The following PDXDC1 variants were observed in gnomAD, a reference collection of about 807,000 sequenced individuals.
The protein encoded by PDXDC1 is pyridoxal dependent decarboxylase domain containing 1.
PDXDC1 carries 42 observed loss-of-function variants against 100.1 expected under a neutral mutation model. The observed-to-expected ratio is 0.42, with a 90% CI of 0.33 to 0.54. The LOEUF is 0.54. PDXDC1 is among the 20% of genes least tolerant of loss of function. The pLI is 0.10. For missense variants in PDXDC1, 636 were observed against 979.2 expected (o/e 0.65, Z 4.68); for synonymous variants, 260 against 371.7 (o/e 0.70, Z 3.46).
chr16:15,029,573 C>A, intron 15 of PDXDC1: 1 of 410,380 alleles, frequency 2.4e-6, no homozygotes, highest in South Asian at 4.5e-5. Context: ...TGAATCAATG[C>A]AGGTTACTAA....
intron 16 of PDXDC1, chr16:15,133,135 C>T: frequency 1.4e-6 from 1 of 702,516 alleles, no homozygotes; most frequent in Admixed American, 2.2e-5. Flanking sequence ...CGGGGTGCTG[C>T]TTCAGGGTCA....
chr16:15,010,182 G>A (rs1201025850), intron 8 of PDXDC1: 10 of 186,832 alleles, frequency 5.4e-5, no homozygotes, highest in African/African-American at 9.4e-5. Flanking sequence ...GAATTGCTGG[G>A]ATTACAGGTG....
chr16:15,132,900 C>T, intron 16 of PDXDC1: 1 of 1,591,106 alleles, frequency 6.3e-7, no homozygotes, highest in South Asian at 1.1e-5. Context: ...GCACAGCAAG[C>T]TGTCAGCAGG....
intron 16 of PDXDC1, among the ~76,000 whole-genome samples, chr16:15,081,385 T>C (rs1488659205): frequency 6.6e-6 from 1 of 152,206 alleles, no homozygotes; most frequent in Non-Finnish European, 1.5e-5. Flanking sequence ...TGAACACTTG[T>C]TACTGTCTTC....
chr16:15,078,025 T>C (rs1412081099), intron 16 of PDXDC1, among the ~76,000 whole-genome samples: 3 of 152,212 alleles, frequency 2.0e-5, no homozygotes, highest in Non-Finnish European at 4.4e-5. Flanking sequence ...TGATGCAATA[T>C]TTATTTTGGT....
chr16:15,048,141 T>C, intron 16 of PDXDC1: 1 of 1,397,616 alleles, frequency 7.2e-7, no homozygotes, highest in Non-Finnish European at 1.0e-6. Flanking sequence ...TGTAAATTAG[T>C]GAGGATGGAA....
intron 16 of PDXDC1, chr16:15,127,678 G>A (rs554933699): frequency 1.8e-5 from 25 of 1,365,042 alleles, no homozygotes; most frequent in African/African-American, 5.9e-5. Flanking sequence ...CGACCCCTAC[G>A]GCACCCACCT....
intron 16 of PDXDC1, chr16:15,061,591 G>A (rs2044711834): frequency 1.7e-6 from 1 of 585,084 alleles, no homozygotes; most frequent in East Asian, 2.8e-5. Flanking sequence ...GTCTTCAGAT[G>A]CTTGATTCAG....
downstream of PDXDC1, among the ~76,000 whole-genome samples, chr16:15,139,847 C>T (rs2048436908): frequency 2.0e-5 from 3 of 151,894 alleles, no homozygotes; most frequent in South Asian, 6.2e-4. Flanking sequence ...CCTGTAATCC[C>T]AGAACTTTGG....
At chr16:15,063,543 C>T (rs1374518704) in intron 16 of PDXDC1, among the ~76,000 whole-genome samples, 1 of 151,820 alleles carries the variant, frequency 6.6e-6, no homozygotes, top group East Asian at 1.9e-4. Context: ...CCCATCTCTA[C>T]TAAAAATACA....
intron 16 of PDXDC1, among the ~76,000 whole-genome samples, chr16:15,086,608 A>G (rs1327654522): frequency 6.6e-6 from 1 of 152,254 alleles, no homozygotes; most frequent in East Asian, 1.9e-4. Flanking sequence ...AAACAGAAAA[A>G]GATGTCACAA....
intron 16 of PDXDC1, among the ~76,000 whole-genome samples, chr16:15,123,229 T>TCC (rs1453130826): frequency 6.6e-6 from 1 of 150,504 alleles, no homozygotes; most frequent in Admixed American, 6.6e-5. Context: ...CAATGACCCC[T>TCC]CCCCCATCTC....
In PDXDC1 at chr16:15,022,898, CGAAACAA is replaced by C. The variant is rs374182746; in HGVS notation, c.1140+145_1140+151del. The C allele has an allele frequency of 1.8e-4, 136 of 737,416 alleles. No homozygotes were observed. The African/African-American group carries it at 2.3e-3, about 12-fold the overall frequency. The allele number at this position is 737,416 out of a possible 1,614,324, so 45.7% of individuals were successfully genotyped here. On this transcript the variant is annotated intron_variant, in intron 13 of 22. Coordinates refer to ENST00000396410, the MANE Select transcript of PDXDC1 (RefSeq NM_015027.4). Reference sequence around the variant, plus strand: ...CCAGTAAAAAAACAAAACAAAAAAACGAAACAAAAAACAAAAACAAAAAAACCTGCTT... The same window carrying C: ...CCAGTAAAAAAACAAAACAAAAAAACAAAACAAAAACAAAAAAACCTGCTT...
chr16:15,092,157 T>C (rs1447289041), intron 16 of PDXDC1, among the ~76,000 whole-genome samples: 2 of 152,158 alleles, frequency 1.3e-5, no homozygotes, highest in East Asian at 3.9e-4. Flanking sequence ...CCAGCCTGGG[T>C]GACAGAGGAA....
At chr16:15,048,373 T>C (rs1237456409) in intron 16 of PDXDC1, among the ~76,000 whole-genome samples, 1 of 152,218 alleles carries the variant, frequency 6.6e-6, no homozygotes, top group African/African-American at 2.4e-5. Flanking sequence ...TCCTTTATTA[T>C]AGTTTTTTGT....
chr16:15,125,854 C>G (rs777202940), intron 16 of PDXDC1: 43 of 889,846 alleles, frequency 4.8e-5, no homozygotes, highest in Non-Finnish European at 7.7e-5. Flanking sequence ...CAGACCTGCT[C>G]AGGACCTGGA....
At chr16:15,121,932 A>C (rs2151892461) in intron 16 of PDXDC1, 1 of 256,130 alleles carries the variant, frequency 3.9e-6, no homozygotes, top group South Asian at 3.4e-5. Flanking sequence ...CACGAGGTCA[A>C]GAGATGGAGA....
At chr16:15,002,437 A>G (rs1358439366) in intron 4 of PDXDC1, among the ~76,000 whole-genome samples, 2 of 152,414 alleles carry the variant, frequency 1.3e-5, no homozygotes, top group Middle Eastern at 3.4e-3. Context: ...ATTACTATGC[A>G]TATGCTGTGC....
At chr16:15,103,515 A>T (rs868387441) in intron 16 of PDXDC1, among the ~76,000 whole-genome samples, 41 of 150,888 alleles carry the variant, frequency 2.7e-4, no homozygotes, top group African/African-American at 5.3e-4. Context: ...TATTTTATTT[A>T]TTTTTTGAGT....
Sources: allele counts gnomAD v4.1 joint callset (sites outside exome capture counted in the v4.1 genomes callset), GRCh38; gene constraint gnomAD v4.1.1; transcripts MANE v1.5; gene names NCBI Gene and HGNC (gene_info 2026-07-23, HGNC 2026-07-21).